Variants in TMOD1 observed in about 807,000 individuals in gnomAD.
The protein encoded by TMOD1 is tropomodulin-1.
In TMOD1, 17 loss-of-function variants were observed where a neutral mutation model predicts 40.6. The ratio of observed to expected loss-of-function variants is 0.42; its 90% CI spans 0.29 to 0.63. The LOEUF is 0.63. Ranked by LOEUF, TMOD1 falls within the 20% of genes least tolerant of loss-of-function variation. TMOD1 has a pLI of 0.22. For synonymous variants in TMOD1, 181 were observed against 175.0 expected (o/e 1.03, Z -0.27); for missense variants, 391 against 447.6 (o/e 0.87, Z 1.14).
intron 2 of TMOD1, 25 bp downstream of exon 2, chr9:97,524,333 C>G: frequency 6.2e-7 from 1 of 1,609,918 alleles, no homozygotes; most frequent in Non-Finnish European, 8.5e-7. Context: ...AAGGGAAGCA[C>G]ATTGTCACTA....
At chr9:97,559,788 A>ATATATATATAT (rs1399142102) in intron 4 of TMOD1, among the ~76,000 whole-genome samples, 1 of 51,322 alleles carries the variant, frequency 1.9e-5, no homozygotes, top group Non-Finnish European at 3.4e-5. Context: ...AAAAAAAAAA[A>ATATATATATAT]AAAAAAATAT....
chr9:97,590,520 C>T (rs188555456), intron 8 of TMOD1, among the ~76,000 whole-genome samples: 5 of 152,266 alleles, frequency 3.3e-5, no homozygotes, highest in Admixed American at 2.0e-4. Context: ...GCCACCACGC[C>T]TGGCCTCTTA....
At chr9:97,517,591 C>T (rs1829834131) in intron 1 of TMOD1, among the ~76,000 whole-genome samples, 1 of 152,146 alleles carries the variant, frequency 6.6e-6, no homozygotes, top group Non-Finnish European at 1.5e-5. Context: ...AGGAAGGGGC[C>T]TGGGCTGGAT....
chr9:97,586,748 G>A (rs893528120), intron 8 of TMOD1, among the ~76,000 whole-genome samples: 1 of 149,088 alleles, frequency 6.7e-6, no homozygotes, highest in African/African-American at 2.6e-5. Flanking sequence ...GCAGTATTCG[G>A]GTGGGAGTGA....
At chr9:97,585,134 G>A (rs199499091) in intron 8 of TMOD1, among the ~76,000 whole-genome samples, 2,151 of 152,142 alleles carry the variant, frequency 0.014, 102 homozygotes, top group East Asian at 0.13. Flanking sequence ...ATTTTGCAGC[G>A]GCTGGTACCA....
chr9:97,559,827 C>A (rs1363854210), intron 4 of TMOD1, among the ~76,000 whole-genome samples: 3,092 of 26,766 alleles, frequency 0.12, 128 homozygotes, highest in Non-Finnish European at 0.16. Context: ...ATATATATGT[C>A]TATCTATCTA....
At position 97,599,716 on chromosome 9, in the gene TMOD1, C is replaced by T. The variant is rs752965353; in HGVS notation, c.*18C>T. 6 of 1,613,940 alleles carry T rather than the reference C, an allele frequency of 3.7e-6. No individual in the cohort carries two copies. The African/African-American group carries it at 8.0e-5, about 22-fold the overall frequency. ...GTGTCTAGTGTGTGGCGGTGGAGTC[C>T]ATGCCTTTGAACTGGATGTGTTCTA... On this transcript the variant is annotated 3_prime_UTR_variant, in exon 10 of 10. Coordinates refer to ENST00000259365, the MANE Select transcript of TMOD1 (RefSeq NM_003275.4).
Position 97,601,413 on chromosome 9 carries a change from C to T in TMOD1, c.*1715C>T, listed in dbSNP as rs751095951. 2.7e-5 allele frequency: 28 copies of T among 1,035,510 alleles called. No individual in the cohort carries two copies. The highest frequency in any genetic ancestry group is 3.0e-5 in the Non-Finnish European group (26 of 858,834). 64.1% of individuals were successfully genotyped at this position (1,035,510 alleles called of 1,614,324 possible). A position where few individuals can be genotyped will look rare whatever the true frequency, so the allele number is the denominator to read the frequency against. Reference sequence around the variant, plus strand: ...CTAAAAACTGTGGCTCAAATGTCACCGAGCTTATATGAAGCTCCCAGAGAG... The same window carrying T: ...CTAAAAACTGTGGCTCAAATGTCACTGAGCTTATATGAAGCTCCCAGAGAG... On this transcript the variant is annotated 3_prime_UTR_variant, in exon 10 of 10. Transcript: ENST00000259365.
chr9:97,594,557 G>C (rs2805786), intron 9 of TMOD1, among the ~76,000 whole-genome samples: 34,229 of 152,090 alleles, frequency 0.23, 4,621 homozygotes, highest in African/African-American at 0.38. Context: ...GCCTCTGCTG[G>C]CTCTTTGCCC....
intron 6 of TMOD1, among the ~76,000 whole-genome samples, chr9:97,565,094 AT>A (rs1230756685): frequency 6.6e-6 from 1 of 152,210 alleles, no homozygotes; most frequent in Non-Finnish European, 1.5e-5. Context: ...AGTAGGAGAC[AT>A]TGGCACAATT....
chr9:97,586,860 C>T (rs1458230542), intron 8 of TMOD1, among the ~76,000 whole-genome samples: 7 of 152,226 alleles, frequency 4.6e-5, no homozygotes, highest in African/African-American at 7.2e-5. Flanking sequence ...CGCCCTGCTT[C>T]GGCTCGCGCA....
intron 8 of TMOD1, among the ~76,000 whole-genome samples, chr9:97,576,510 G>C (rs1830941735): frequency 6.6e-6 from 1 of 152,036 alleles, no homozygotes; most frequent in South Asian, 2.1e-4. Flanking sequence ...TTGCAGAACA[G>C]TAAGTATAGT....
intron 1 of TMOD1, among the ~76,000 whole-genome samples, chr9:97,514,945 G>A (rs868500008): frequency 7.2e-5 from 11 of 152,174 alleles, no homozygotes; most frequent in African/African-American, 2.4e-4. Context: ...AGGATGTGTC[G>A]GTCCTGGGTG....
chr9:97,526,932 T>C (rs1587921409), intron 2 of TMOD1, among the ~76,000 whole-genome samples: 1 of 152,182 alleles, frequency 6.6e-6, no homozygotes, highest in African/African-American at 2.4e-5. Context: ...CCTAGGGCTC[T>C]TGGGTCCCAG....
chr9:97,514,243 G>A (rs1446225272), intron 1 of TMOD1, among the ~76,000 whole-genome samples: 4 of 143,252 alleles, frequency 2.8e-5, no homozygotes, highest in Non-Finnish European at 6.0e-5. Context: ...TTTTTTTTGG[G>A]GGGGGGGTTG....
chr9:97,591,611 C>T (rs1448123129), intron 9 of TMOD1, among the ~76,000 whole-genome samples, 176 bp downstream of exon 9: 3 of 152,226 alleles, frequency 2.0e-5, no homozygotes, highest in Admixed American at 6.5e-5. Flanking sequence ...CCCTGGACTA[C>T]GAGCTCCTTG....
chr9:97,594,231 C>T (rs1826058914), intron 9 of TMOD1, among the ~76,000 whole-genome samples: 2 of 152,320 alleles, frequency 1.3e-5, no homozygotes, highest in African/African-American at 2.4e-5. Flanking sequence ...TCAGTGATTA[C>T]AGGGAACAGA....
In TMOD1 at chr9:97,546,168, C is replaced by A. The variant is rs371683127; in HGVS notation, c.121-17C>A. 228 of 1,595,422 alleles carry A rather than the reference C, an allele frequency of 1.4e-4. No individual in the cohort carries two copies. The African/African-American group carries it at 1.7e-3, about 12-fold the overall frequency. On this transcript the variant is annotated splice_polypyrimidine_tract_variant and intron_variant, in intron 2 of 9. Transcript: ENST00000259365. ...TCTCTTTCTCTCTCTCCTGCCCCCCCACAACCTCCAATGTAGAATGCACTG... is the reference window on the plus strand; with the variant it reads ...TCTCTTTCTCTCTCTCCTGCCCCCCAACAACCTCCAATGTAGAATGCACTG...
intron 1 of TMOD1, among the ~76,000 whole-genome samples, chr9:97,519,561 C>T (rs1220927914): frequency 6.6e-6 from 1 of 152,204 alleles, no homozygotes; most frequent in Admixed American, 6.5e-5. Context: ...GCCCATCCCT[C>T]CCCTCTCAGA....
Sources: gnomAD v4.1 joint callset for allele counts (sites outside exome capture counted in the v4.1 genomes callset) on GRCh38, gnomAD v4.1.1 for gene constraint, MANE v1.5 for transcripts, NCBI Gene and HGNC (gene_info 2026-07-23, HGNC 2026-07-21) for gene names.